NPEPPS: variants seen among roughly 807,000 people sequenced by gnomAD.
NPEPPS encodes puromycin-sensitive aminopeptidase.
NPEPPS carries 14 observed loss-of-function variants against 115.5 expected under a neutral mutation model. The ratio of observed to expected loss-of-function variants is 0.12; its 90% CI spans 0.08 to 0.19. The LOEUF (loss-of-function observed/expected upper bound fraction) is 0.19, where lower values mean the gene tolerates loss of function less well. NPEPPS is among the 10% of genes least tolerant of loss of function. The pLI is 1.00. For synonymous variants in NPEPPS, 285 were observed against 390.6 expected (o/e 0.73, Z 3.19); for missense variants, 523 against 1,110.8 (o/e 0.47, Z 7.52).
intron 9 of NPEPPS, among the ~76,000 whole-genome samples, chr17:47,587,668 C>T (rs542046827): frequency 1.3e-5 from 2 of 152,022 alleles, no homozygotes; most frequent in Non-Finnish European, 2.9e-5. Context: ...AGTGAGATTC[C>T]AGGCTAACTG....
intron 15 of NPEPPS, among the ~76,000 whole-genome samples, chr17:47,602,496 G>A (rs1567866752): frequency 6.6e-6 from 1 of 151,952 alleles, no homozygotes; most frequent in African/African-American, 2.4e-5. Flanking sequence ...AAATTAGCTA[G>A]TCGTGATGGT....
chr17:47,565,999 TTTC>T (rs1679629815), intron 2 of NPEPPS, among the ~76,000 whole-genome samples: 1 of 152,080 alleles, frequency 6.6e-6, no homozygotes, highest in Non-Finnish European at 1.5e-5. Context: ...TGCACATTTT[TTTC>T]TTCTTTTTCG....
At chr17:47,619,205 T>C (rs751317308) in intron 21 of NPEPPS, 41 bp downstream of exon 21, 2 of 1,540,078 alleles carry the variant, frequency 1.3e-6, no homozygotes, top group East Asian at 2.3e-5. Flanking sequence ...TCATGGATAT[T>C]ATTTAGTGAC....
At chr17:47,571,681 G>A (rs1911202574) in intron 3 of NPEPPS, among the ~76,000 whole-genome samples, 1 of 152,118 alleles carries the variant, frequency 6.6e-6, no homozygotes, top group Non-Finnish European at 1.5e-5. Context: ...TCGCACCACT[G>A]CACTCCAGCC....
intron 1 of NPEPPS, among the ~76,000 whole-genome samples, chr17:47,539,204 G>A (rs1908572848): frequency 6.8e-6 from 1 of 147,540 alleles, no homozygotes; most frequent in Non-Finnish European, 1.5e-5. Context: ...TAAATTATCT[G>A]TGAAGCTTCT....
At chr17:47,569,909 G>A (rs1279495378) in intron 3 of NPEPPS, among the ~76,000 whole-genome samples, 2 of 152,072 alleles carry the variant, frequency 1.3e-5, no homozygotes, top group East Asian at 1.9e-4. Context: ...AGGAGCCACC[G>A]CGCCCAGCCG....
intron 9 of NPEPPS, among the ~76,000 whole-genome samples, chr17:47,589,104 C>T (rs1597866613): frequency 6.6e-6 from 1 of 151,198 alleles, no homozygotes; most frequent in Middle Eastern, 3.5e-3. Flanking sequence ...TTTGTAGAGA[C>T]AAGGTTTCAC....
chr17:47,552,174 C>T (rs919743628), intron 2 of NPEPPS, among the ~76,000 whole-genome samples: 1 of 151,604 alleles, frequency 6.6e-6, no homozygotes, highest in African/African-American at 2.4e-5. Flanking sequence ...CAATGTTCCC[C>T]AGGCTGGTCT....
upstream of NPEPPS, among the ~76,000 whole-genome samples, chr17:47,529,945 TATTTA>T (rs1567829637): frequency 1.6e-5 from 2 of 128,642 alleles, no homozygotes; most frequent in Admixed American, 1.7e-4. Context: ...TTTATTTATT[TATTTA>T]TTTTGAGACA....
chr17:47,616,828 C>T (rs969884578), intron 19 of NPEPPS, among the ~76,000 whole-genome samples: 4 of 147,438 alleles, frequency 2.7e-5, no homozygotes, highest in Admixed American at 2.7e-4. Flanking sequence ...CACAGCGAGA[C>T]CCCATCTCTA....
upstream of NPEPPS, among the ~76,000 whole-genome samples, chr17:47,528,801 A>T (rs1446975382): frequency 1.3e-5 from 2 of 151,576 alleles, no homozygotes; most frequent in Non-Finnish European, 2.9e-5. Context: ...ATGCCTGGCT[A>T]ATTTTTGTAT....
At chr17:47,572,818 C>T (rs1332282899) in intron 3 of NPEPPS, among the ~76,000 whole-genome samples, 1 of 152,200 alleles carries the variant, frequency 6.6e-6, no homozygotes, top group East Asian at 1.9e-4. Flanking sequence ...CTCTGTCACC[C>T]AGACTGGAGT....
At chr17:47,607,991 T>C (rs1033007783) in intron 17 of NPEPPS, among the ~76,000 whole-genome samples, 1 of 151,932 alleles carries the variant, frequency 6.6e-6, no homozygotes, top group Admixed American at 6.6e-5. Flanking sequence ...ACTACAGGCA[T>C]GCACCATACC....
intron 1 of NPEPPS, among the ~76,000 whole-genome samples, chr17:47,533,673 G>GAC (rs1907989154): frequency 1.3e-5 from 2 of 152,064 alleles, no homozygotes; most frequent in South Asian, 4.1e-4. Context: ...AACAAGCAGT[G>GAC]ACATGTTTCT....
At chr17:47,572,995 C>T (rs1466814890) in intron 3 of NPEPPS, among the ~76,000 whole-genome samples, 8 of 152,080 alleles carry the variant, frequency 5.3e-5, no homozygotes, top group Admixed American at 1.3e-4. Flanking sequence ...AGGCTGGTCT[C>T]GAACTCCAGA....
At chr17:47,543,482 A>G (rs1379318218) in intron 1 of NPEPPS, among the ~76,000 whole-genome samples, 3 of 134,192 alleles carry the variant, frequency 2.2e-5, no homozygotes, top group Non-Finnish European at 3.1e-5. Flanking sequence ...AGGCCTGGCT[A>G]ATTTTTTTTT....
Position 47,623,095 on chromosome 17 carries a change from T to G in NPEPPS, c.*1175T>G, listed in dbSNP as rs1914695121. On this transcript the variant is annotated 3_prime_UTR_variant, in exon 23 of 23. Coordinates refer to ENST00000322157, the MANE Select transcript of NPEPPS (RefSeq NM_006310.4). ...CCCTTCTTCTTTCCCTACCTTTTTT[T>G]TCTTTTTTTCTTAAAAAAATATTTT... 7.8e-6 allele frequency: 2 copies of G among 255,056 alleles called. No individual in the cohort carries two copies. Among genetic ancestry groups the G allele is most frequent in the Non-Finnish European group, 1.5e-5 (2 of 130,230 alleles). 15.8% of individuals were successfully genotyped at this position (255,056 alleles called of 1,614,324 possible).
chr17:47,604,021 T>G lies in NPEPPS; in HGVS notation c.1847T>G (p.Leu616Arg). 1 of 1,613,550 alleles carries G rather than the reference T, an allele frequency of 6.2e-7. No individual in the cohort carries two copies. Among genetic ancestry groups the G allele is most frequent in the Non-Finnish European group, 8.5e-7 (1 of 1,179,634 alleles). The change falls in exon 16 of 23, where the codon CTT (leucine) becomes CGT (arginine). Residue 616 changes from leucine (L) to arginine (R), a missense_variant. Around this residue, in one of 4 missense-constraint regions of NPEPPS, gnomAD observed 372 missense variants for 542.6 expected, o/e 0.69. Transcript: ENST00000322157. ...RDLSLPPVDR[L>R]GLQNDLFSLA... is the part of the protein sequence containing the mutation. ...CTTTCTCTGCCCCCTGTGGATCGAC[T>G]TGGATTACAGAATGACCTCTTCTCC...
At chr17:47,526,845 C>T (rs1907454665), upstream of NPEPPS, among the ~76,000 whole-genome samples, 1 of 152,068 alleles carries the variant, frequency 6.6e-6, no homozygotes, top group Admixed American at 6.6e-5. Flanking sequence ...GTAGTCCCAG[C>T]TACTCGCGAG....
Sources: gnomAD v4.1 joint callset for allele counts (sites outside exome capture counted in the v4.1 genomes callset) on GRCh38, gnomAD v4.1.1 for gene constraint, gnomAD v4.1.1 regional missense constraint, MANE v1.5 for transcripts, NCBI Gene and HGNC (gene_info 2026-07-23, HGNC 2026-07-21) for gene names.